ZNF273: variants seen among roughly 807,000 people sequenced by gnomAD.
The protein encoded by ZNF273 is zinc finger protein 273.
ZNF273 carries 11 observed loss-of-function variants against 14.9 expected under a neutral mutation model. The ratio of observed to expected loss-of-function variants is 0.74; its 90% confidence interval spans 0.46 to 1.22. The LOEUF (loss-of-function observed/expected upper bound fraction) is 1.22. Among genes scored for constraint, ZNF273 ranks in the 50% most tolerant of loss-of-function variants. The pLI is 0.00. For missense variants in ZNF273, 577 were observed against 660.6 expected (o/e 0.87, Z 1.39); for synonymous variants, 199 against 223.9 (o/e 0.89, Z 0.99).
At chr7:64,881,043 C>T (rs1477597367), downstream of ZNF273, among the ~76,000 whole-genome samples, 2 of 152,144 alleles carry the variant, frequency 1.3e-5, no homozygotes, top group Non-Finnish European at 2.9e-5. Context: ...TAAACAGGTG[C>T]GGACAGATGA....
At chr7:64,918,001 C>T (rs1016335752) in intron 2 of ZNF273, among the ~76,000 whole-genome samples, 196 bp from the exon 3 acceptor site, 10 of 151,968 alleles carry the variant, frequency 6.6e-5, no homozygotes, top group Non-Finnish European at 1.2e-4. Context: ...TTTTTCATTC[C>T]GTAGTACTGA....
intron 2 of ZNF273, 125 bp downstream of exon 2, chr7:64,917,832 T>A: frequency 9.2e-7 from 1 of 1,087,480 alleles, no homozygotes; most frequent in East Asian, 3.2e-5. Context: ...CCTGGGGATT[T>A]GTTCATTTAG....
At chr7:64,889,599 G>C (rs1423579239), downstream of ZNF273, 2 of 985,940 alleles carry the variant, frequency 2.0e-6, no homozygotes, top group Admixed American at 6.1e-5. This position sits in a 1 kb window ranked among gnomAD's most constrained non-coding sequence, Gnocchi z 4.2. Context: ...GGGGATGGGG[G>C]TCCCCGCGCT....
chr7:64,880,103 C>T (rs1355615311), downstream of ZNF273: 2 of 152,230 alleles, frequency 1.3e-5, no homozygotes, highest in Non-Finnish European at 2.9e-5. Flanking sequence ...CTCGACAAGT[C>T]TCTGACTCTT....
intron 1 of ZNF273, among the ~76,000 whole-genome samples, chr7:64,906,565 C>T (rs1482064039): frequency 6.6e-6 from 1 of 152,160 alleles, no homozygotes; most frequent in African/African-American, 2.4e-5. Flanking sequence ...TGACTCTAAG[C>T]TAAGGCTAAT....
downstream of ZNF273, among the ~76,000 whole-genome samples, chr7:64,883,351 T>C (rs775883625): frequency 6.6e-6 from 1 of 152,004 alleles, no homozygotes; most frequent in Non-Finnish European, 1.5e-5. Context: ...CAGGGCTCCT[T>C]GAATCCACCT....
chr7:64,930,583 C>A lies in ZNF273; in HGVS notation c.*1545C>A, dbSNP rs1794969973. ...TTATGCCACAAACTAACCTACCTCA[C>A]CTTACTCAATGGTGTAGGTAAAAGA... On this transcript the variant is annotated 3_prime_UTR_variant, in exon 4 of 4. Coordinates refer to ENST00000476120, the MANE Select transcript of ZNF273 (RefSeq NM_021148.3). 6.6e-6 allele frequency: 1 copy of A among 152,096 alleles called. No individual in the cohort carries two copies. Among genetic ancestry groups the A allele is most frequent in the African/African-American group, 2.4e-5 (1 of 41,428 alleles). The allele number at this position is 152,096 out of a possible 1,614,324, so 9.4% of individuals were successfully genotyped here.
At chr7:64,890,612 G>T (rs1583964318), downstream of ZNF273, among the ~76,000 whole-genome samples, 1 of 152,300 alleles carries the variant, frequency 6.6e-6, no homozygotes, top group East Asian at 1.9e-4. Context: ...TCAGTGGCAG[G>T]TCCCATGTCC....
downstream of ZNF273, among the ~76,000 whole-genome samples, chr7:64,892,866 C>G (rs1285504468): frequency 6.6e-6 from 1 of 152,178 alleles, no homozygotes; most frequent in Non-Finnish European, 1.5e-5. Context: ...CACTCCCACC[C>G]TAATCTTGTA....
chr7:64,903,475 T>TG (rs1792876590), intron 1 of ZNF273, 56 bp downstream of exon 1: 10 of 1,521,204 alleles, frequency 6.6e-6, no homozygotes, highest in Non-Finnish European at 9.1e-6. Flanking sequence ...TTGGAACTGG[T>TG]GGGAAGTGGA....
upstream of ZNF273, among the ~76,000 whole-genome samples, chr7:64,898,974 A>G (rs1476842401): frequency 6.6e-6 from 1 of 152,246 alleles, no homozygotes; most frequent in East Asian, 1.9e-4. Flanking sequence ...CTTACTCTAA[A>G]TTGAGAGACT....
chr7:64,929,033 T>C lies in ZNF273; in HGVS notation c.1705T>C (p.Ser569Pro), dbSNP rs1794909110. ...RHKRNHMGEKS is the reference protein window; with the variant it reads ...RHKRNHMGEKP ...TAAAAGAAATCATATGGGTGAGAAA[T>C]CCTAGAAATGTGAAGAATGTGACAA... The change falls in exon 4 of 4, where the codon TCC becomes CCC. Residue 569 changes from serine to proline, a missense_variant. Ser to Pro is a moderately conservative substitution (Grantham distance 74). Transcript: ENST00000476120. The C allele has an allele frequency of 4.7e-6, 7 of 1,487,016 alleles. No homozygotes were observed. Among genetic ancestry groups the C allele is most frequent in the Non-Finnish European group, 5.3e-6 (6 of 1,122,618 alleles). The allele number at this position is 1,487,016 out of a possible 1,614,324, so 92.1% of individuals were successfully genotyped here.
At position 64,930,612 on chromosome 7, in the gene ZNF273, T is replaced by C. The variant is rs1011172708; in HGVS notation, c.*1574T>C. 1 of 152,202 alleles carries C rather than the reference T, an allele frequency of 6.6e-6. No homozygotes were observed. Among genetic ancestry groups the C allele is most frequent in the African/African-American group, 2.4e-5 (1 of 41,460 alleles). The allele number at this position is 152,202 out of a possible 1,614,324, so 9.4% of individuals were successfully genotyped here. ...ACTCAATGGTGTAGGTAAAAGATGA[T>C]AGCAATATATTATTTGGTTACATAG... On this transcript the variant is annotated 3_prime_UTR_variant, in exon 4 of 4. Transcript: ENST00000476120.
At chr7:64,884,395 C>A (rs1035537546), downstream of ZNF273, among the ~76,000 whole-genome samples, 4 of 152,132 alleles carry the variant, frequency 2.6e-5, no homozygotes, top group East Asian at 7.7e-4. Flanking sequence ...CCACAGTGCC[C>A]CTCAACAGCA....
chr7:64,880,397 C>G (rs915318200), downstream of ZNF273, among the ~76,000 whole-genome samples: 1 of 152,082 alleles, frequency 6.6e-6, no homozygotes, highest in African/African-American at 2.4e-5. Context: ...GCTGCCCTCC[C>G]CAGGAGGGGC....
At position 64,921,762 on chromosome 7, in the gene ZNF273, A is replaced by T. The variant is rs567734787; in HGVS notation, c.325+3470A>T. On this transcript the variant is annotated intron_variant, in intron 3 of 3. Transcript: ENST00000476120. ...TGCCTCAGCCTCCCAAGTAACTGGG[A>T]TTACAGGCACTCCCCCACCAACATG... Among the ~76,000 whole-genome samples, 5 of 151,576 alleles carry T rather than the reference A, an allele frequency of 3.3e-5. No individual in the cohort carries two copies. In the South Asian group the frequency reaches 1.0e-3, roughly 32 times the overall value.
chr7:64,895,575 C>T (rs965670086), intron 3 of ZNF273, among the ~76,000 whole-genome samples: 6 of 151,992 alleles, frequency 3.9e-5, no homozygotes, highest in Non-Finnish European at 8.8e-5. Flanking sequence ...CAAACGAAAC[C>T]ACAGGGTAAA....
chr7:64,886,232 G>A (rs756624620), intron 1 of ZNF273, among the ~76,000 whole-genome samples: 2 of 152,230 alleles, frequency 1.3e-5, no homozygotes, highest in African/African-American at 4.8e-5. Context: ...CCTTTACTCA[G>A]TTGAATGAGC....
At chr7:64,917,881 T>C in intron 2 of ZNF273, among the ~76,000 whole-genome samples, 174 bp downstream of exon 2, 1 of 152,192 alleles carries the variant, frequency 6.6e-6, no homozygotes, top group East Asian at 1.9e-4. Flanking sequence ...TGACTTGAAC[T>C]TTCCACGTTC....
Sources: allele counts gnomAD v4.1 joint callset (sites outside exome capture counted in the v4.1 genomes callset), GRCh38; gene constraint gnomAD v4.1.1; non-coding constraint Gnocchi (gnomAD v3.1); transcripts MANE v1.5; gene names NCBI Gene and HGNC (gene_info 2026-07-23, HGNC 2026-07-21).